Variants in TTC7A observed in about 807,000 individuals in gnomAD.
TTC7A encodes tetratricopeptide repeat protein 7A.
Under a neutral mutation model 103.7 loss-of-function variants are expected in TTC7A, and 110 were observed. The ratio of observed to expected loss-of-function variants is 1.06; its 90% CI spans 0.91 to 1.24. The LOEUF (loss-of-function observed/expected upper bound fraction) is 1.24. Among genes scored for constraint, TTC7A ranks in the 50% most tolerant of loss-of-function variants. The pLI, the probability that TTC7A is intolerant of heterozygous loss-of-function variation, is 0.00. For synonymous variants in TTC7A, 521 were observed against 467.9 expected (o/e 1.11, Z -1.47); for missense variants, 1,340 against 1,116.3 (o/e 1.20, Z -2.86).
At chr2:46,989,578 A>T (rs1185719306) in intron 5 of TTC7A, among the ~76,000 whole-genome samples, 1 of 150,618 alleles carries the variant, frequency 6.6e-6, no homozygotes, top group Non-Finnish European at 1.5e-5. Flanking sequence ...GGGACCCCAG[A>T]TCTCTCCCTG....
In TTC7A at chr2:46,978,911, G is replaced by C; in HGVS notation, c.764+4G>C. On this transcript the variant is annotated splice_donor_region_variant and intron_variant, in intron 5 of 19. Transcript: ENST00000319190. ...ATGTGAAAAACCTGAAGAAGGGGTA[G>C]GTCACTGGTAGTTGAGTGAGTGGGA... 1.9e-6 allele frequency: 3 copies of C among 1,608,046 alleles called. No individual in the cohort carries two copies. The highest frequency in any genetic ancestry group is 2.6e-6 in the Non-Finnish European group (3 of 1,174,508).
At position 47,058,290 on chromosome 2, in the gene TTC7A, A is replaced by C. The variant is rs541868288; in HGVS notation, c.2153-2479A>C. ...CTGATCCTCCCAAGTTCTCATCTCC[A>C]CTAGAGAAAAACCAGAGTCCTCTCA... On this transcript the variant is annotated intron_variant, in intron 18 of 19. Transcript: ENST00000319190. 9.9e-5 allele frequency among the ~76,000 whole-genome samples: 15 copies of C among 152,238 alleles called. No individual in the cohort carries two copies. The East Asian group carries it at 2.3e-3, about 24-fold the overall frequency.
intron 11 of TTC7A, among the ~76,000 whole-genome samples, chr2:47,016,874 C>A (rs1035533329): frequency 6.6e-6 from 1 of 152,004 alleles, no homozygotes; most frequent in African/African-American, 2.4e-5. Context: ...AGGTGGGGCC[C>A]ATTAGTGGGC....
rs911580317 is a variant in TTC7A at position 47,073,940 on chromosome 2, G to T, written c.*17G>T. The T allele has an allele frequency of 6.3e-7, 1 of 1,598,684 alleles. No homozygotes were observed. The highest frequency in any genetic ancestry group is 1.3e-5 in the African/African-American group (1 of 74,690). On this transcript the variant is annotated 3_prime_UTR_variant, in exon 20 of 20. Transcript: ENST00000319190. ...GAGCTCTGACGACGCTGCAGCCGCAGGGAGGGAGGGGCTGGCCAGAGGGAG... is the reference window on the plus strand; with the variant it reads ...GAGCTCTGACGACGCTGCAGCCGCATGGAGGGAGGGGCTGGCCAGAGGGAG...
chr2:47,042,136 G>A (rs750862141), intron 15 of TTC7A, among the ~76,000 whole-genome samples: 2 of 152,090 alleles, frequency 1.3e-5, no homozygotes, highest in African/African-American at 2.4e-5. Context: ...AAAATCTCTC[G>A]GGTGATAGAA....
chr2:47,028,298 C>A (rs1049481862), intron 14 of TTC7A, among the ~76,000 whole-genome samples: 11 of 152,206 alleles, frequency 7.2e-5, no homozygotes, highest in Non-Finnish European at 1.5e-4. Flanking sequence ...ACTGACTGAC[C>A]CCATAACCCT....
chr2:47,006,568 A>G, intron 9 of TTC7A, 73 bp from the exon 10 acceptor site: 1 of 1,360,362 alleles, frequency 7.4e-7, no homozygotes, highest in Non-Finnish European at 1.1e-6. Flanking sequence ...GGCAGTAACT[A>G]CCCTGGAAGG....
At chr2:47,012,833 C>A (rs1678226309) in intron 11 of TTC7A, among the ~76,000 whole-genome samples, 1 of 152,164 alleles carries the variant, frequency 6.6e-6, no homozygotes, top group Non-Finnish European at 1.5e-5. Flanking sequence ...TTCTCAGATC[C>A]CTGTGTCTGA....
intron 3 of TTC7A, among the ~76,000 whole-genome samples, chr2:46,957,512 C>T (rs538172929): frequency 3.9e-5 from 6 of 152,282 alleles, no homozygotes; most frequent in Admixed American, 1.3e-4. Flanking sequence ...GTGAGTGGCC[C>T]AGGGAGCAGG....
upstream of TTC7A, chr2:46,915,927 C>G: frequency 2.0e-6 from 2 of 985,274 alleles, no homozygotes; most frequent in Non-Finnish European, 2.4e-6. Flanking sequence ...TCGCGTGAGT[C>G]CACGTGTAAT....
rs564760203 is a variant in TTC7A at position 47,061,189 on chromosome 2, A to T, written c.2355+218A>T. On this transcript the variant is annotated intron_variant, in intron 19 of 19. Transcript: ENST00000319190. ...TTGTAGACACAGGCCATTTCCCTTC[A>T]ATCAGGGTCTGTGTTGATGACAAAA... is the stretch of plus-strand genomic sequence containing the variant. 1.8e-4 allele frequency among the ~76,000 whole-genome samples: 28 copies of T among 152,178 alleles called. 1 individual carries two copies. The South Asian group carries it at 3.5e-3, about 19-fold the overall frequency.
chr2:46,950,232 C>A, intron 1 of TTC7A, 131 bp from the exon 2 acceptor site: 1 of 792,982 alleles, frequency 1.3e-6, no homozygotes, highest in Non-Finnish European at 2.0e-6. Flanking sequence ...GAAAAATGTG[C>A]CTTTATTTTC....
chr2:46,943,641 G>T (rs1202607139), intron 1 of TTC7A, among the ~76,000 whole-genome samples: 1 of 152,198 alleles, frequency 6.6e-6, no homozygotes, highest in African/African-American at 2.4e-5. Flanking sequence ...TGCTGTTTTG[G>T]TCCTTTCTCT....
chr2:46,985,362 G>T (rs796723223), intron 5 of TTC7A, among the ~76,000 whole-genome samples: 40 of 152,318 alleles, frequency 2.6e-4, no homozygotes, highest in African/African-American at 9.1e-4. Flanking sequence ...CGTGTAAGTA[G>T]CAGTCCCAGG....
intron 5 of TTC7A, among the ~76,000 whole-genome samples, chr2:46,980,748 A>G (rs1674366100): frequency 6.6e-6 from 1 of 152,218 alleles, no homozygotes. Flanking sequence ...TACCAGTCAC[A>G]AATAGCAGGT....
intron 1 of TTC7A, among the ~76,000 whole-genome samples, chr2:46,950,103 C>A (rs558577533): frequency 7.9e-5 from 12 of 152,294 alleles, no homozygotes; most frequent in African/African-American, 1.9e-4. Context: ...GTCCCCGAGT[C>A]CTGGGAACTC....
At chr2:47,020,197 A>G (rs2104537579) in intron 11 of TTC7A, among the ~76,000 whole-genome samples, 1 of 152,290 alleles carries the variant, frequency 6.6e-6, no homozygotes. Flanking sequence ...TTTGCAGATG[A>G]GGACCTTGGG....
chr2:46,972,161 T>C (rs1193070694), intron 3 of TTC7A, among the ~76,000 whole-genome samples: 1 of 152,118 alleles, frequency 6.6e-6, no homozygotes, highest in Non-Finnish European at 1.5e-5. Flanking sequence ...TTCATTTTTT[T>C]CGTGACTAAG....
intron 3 of TTC7A, among the ~76,000 whole-genome samples, chr2:46,968,231 C>T (rs1673026908): frequency 6.6e-6 from 1 of 152,218 alleles, no homozygotes; most frequent in Non-Finnish European, 1.5e-5. Flanking sequence ...AAAAGCAAGT[C>T]CTCCTCTTGC....
Sources: gnomAD v4.1 joint callset for allele counts (sites outside exome capture counted in the v4.1 genomes callset) on GRCh38, gnomAD v4.1.1 for gene constraint, MANE v1.5 for transcripts, NCBI Gene and HGNC (gene_info 2026-07-23, HGNC 2026-07-21) for gene names.